Variants in RALGAPA2 observed in about 807,000 individuals in gnomAD.
The protein encoded by RALGAPA2 is ral GTPase-activating protein subunit alpha-2.
Under a neutral mutation model 230.4 loss-of-function variants are expected in RALGAPA2, and 139 were observed. The ratio of observed to expected loss-of-function variants is 0.60; its 90% CI spans 0.53 to 0.69. The LOEUF (loss-of-function observed/expected upper bound fraction) is 0.69. RALGAPA2 is among the 30% of genes least tolerant of loss of function. The pLI, the probability that RALGAPA2 is intolerant of heterozygous loss-of-function variation, is 0.00. For synonymous variants in RALGAPA2, 847 were observed against 837.8 expected, an observed-to-expected ratio of 1.01 and a Z score of -0.19; for missense variants, 2,163 against 2,276.0, an observed-to-expected ratio of 0.95 and a Z score of 1.01.
intron 33 of RALGAPA2, among the ~76,000 whole-genome samples, chr20:20,509,177 T>C (rs1394982402): frequency 6.6e-6 from 1 of 152,120 alleles, no homozygotes; most frequent in Admixed American, 6.6e-5. Context: ...TTACAGAATT[T>C]CCATAGAGAA....
At chr20:20,465,164 C>T (rs2061390546) in intron 37 of RALGAPA2, among the ~76,000 whole-genome samples, 1 of 147,814 alleles carries the variant, frequency 6.8e-6, no homozygotes, top group Admixed American at 6.7e-5. Context: ...CACACACACA[C>T]ACACACACAC....
intron 38 of RALGAPA2, among the ~76,000 whole-genome samples, chr20:20,403,782 T>C (rs1228674565): frequency 2.0e-5 from 3 of 152,218 alleles, no homozygotes; most frequent in Admixed American, 6.5e-5. Flanking sequence ...CTGCAGAGTC[T>C]ACCCATACAC....
intron 35 of RALGAPA2, among the ~76,000 whole-genome samples, chr20:20,498,789 G>A (rs2062288765): frequency 6.6e-6 from 1 of 152,114 alleles, no homozygotes; most frequent in Admixed American, 6.5e-5. Context: ...TTTTTATGTG[G>A]CTGGCCAGCC....
intron 16 of RALGAPA2, among the ~76,000 whole-genome samples, chr20:20,595,107 G>A (rs936388464): frequency 1.3e-5 from 2 of 152,022 alleles, no homozygotes; most frequent in Non-Finnish European, 2.9e-5. Context: ...ACTGAGAAAA[G>A]GCAGTGTGAT....
intron 15 of RALGAPA2, 106 bp from the exon 16 acceptor site, chr20:20,601,952 G>T: frequency 9.6e-7 from 1 of 1,038,668 alleles, no homozygotes; most frequent in Non-Finnish European, 1.3e-6. Context: ...ATAATCAGCA[G>T]GTTTCCTTGT....
At chr20:20,401,339 A>AG (rs779753947) in intron 38 of RALGAPA2, among the ~76,000 whole-genome samples, 3 of 152,164 alleles carry the variant, frequency 2.0e-5, no homozygotes, top group Non-Finnish European at 2.9e-5. Flanking sequence ...CAGGGGAATG[A>AG]GGGCAGCTGT....
chr20:20,639,686 AAG>A, intron 7 of RALGAPA2, 97 bp downstream of exon 7: 1 of 871,286 alleles, frequency 1.1e-6, no homozygotes, highest in South Asian at 1.6e-5. Flanking sequence ...AAGAAAAAGA[AAG>A]AGGAAAAATA....
chr20:20,582,719 T>A (rs370212153), intron 20 of RALGAPA2, among the ~76,000 whole-genome samples: 3 of 152,224 alleles, frequency 2.0e-5, no homozygotes, highest in African/African-American at 7.2e-5. Context: ...GTAACTTACA[T>A]ACTGTATATG....
chr20:20,578,122 G>T (rs1602906898), intron 20 of RALGAPA2, among the ~76,000 whole-genome samples: 2 of 152,244 alleles, frequency 1.3e-5, no homozygotes, highest in East Asian at 1.9e-4. Flanking sequence ...AAGGTACGCT[G>T]ACTTCTTTAG....
intron 9 of RALGAPA2, among the ~76,000 whole-genome samples, chr20:20,632,437 G>A (rs2066707260): frequency 6.6e-6 from 1 of 152,126 alleles, no homozygotes; most frequent in South Asian, 2.1e-4. Context: ...ATCAGAAGCT[G>A]GAAGCAGTGG....
At position 20,656,527 on chromosome 20, in the gene RALGAPA2, G is replaced by GA. The variant is rs943173886; in HGVS notation, c.271-2941dup. ...CAGAAGTAAACTGGCTGTTTCAAGG[G>GA]AAAAAAAATCAAAATAAGTCTTCCC... is the stretch of plus-strand genomic sequence containing the variant. On this transcript the variant is annotated intron_variant, in intron 3 of 39. Transcript: ENST00000202677. Among the ~76,000 whole-genome samples the GA allele has an allele frequency of 9.9e-5, 15 of 151,592 alleles. No homozygotes were observed. The East Asian group carries it at 2.5e-3, about 25-fold the overall frequency.
intron 37 of RALGAPA2, among the ~76,000 whole-genome samples, chr20:20,428,654 T>G (rs2060437726): frequency 6.6e-6 from 1 of 152,060 alleles, no homozygotes; most frequent in South Asian, 2.1e-4. Flanking sequence ...CCCATCCACA[T>G]CAGAGAGCCC....
chr20:20,449,320 T>C (rs572881806), intron 37 of RALGAPA2, among the ~76,000 whole-genome samples: 2 of 152,258 alleles, frequency 1.3e-5, no homozygotes, highest in East Asian at 1.9e-4. Context: ...ATCCCCAGGG[T>C]TGAGGAAAGC....
Position 20,601,734 on chromosome 20 carries a change from A to G in RALGAPA2, c.2151T>C (p.Ser717=). The G allele has an allele frequency of 6.2e-7, 1 of 1,613,846 alleles. No individual in the cohort carries two copies. The highest frequency in any genetic ancestry group is 8.5e-7 in the Non-Finnish European group (1 of 1,179,770). ...TTGCCTTTTCCACTCCCGGTGCTCC[A>G]GACGTGGTGGCACTCCTAAATCGCA... ...EPMRFRSATT[S]GAPGVEKARN... Residue 717 remains serine (S), a synonymous_variant, in exon 16 of 40, where the codon TCT becomes TCC. Transcript: ENST00000202677.
chr20:20,596,677 T>C (rs1366561459), intron 16 of RALGAPA2, among the ~76,000 whole-genome samples: 1 of 152,236 alleles, frequency 6.6e-6, no homozygotes, highest in African/African-American at 2.4e-5. Flanking sequence ...CACTATACTC[T>C]AAAGTTCTTT....
At chr20:20,484,240 G>T (rs1055526241) in intron 36 of RALGAPA2, among the ~76,000 whole-genome samples, 1 of 152,190 alleles carries the variant, frequency 6.6e-6, no homozygotes, top group African/African-American at 2.4e-5. Flanking sequence ...GAAACACCAA[G>T]GAGTCCATGC....
chr20:20,636,276 A>T (rs961245766), intron 8 of RALGAPA2, among the ~76,000 whole-genome samples: 1 of 152,236 alleles, frequency 6.6e-6, no homozygotes, highest in Admixed American at 6.5e-5. Context: ...ACTACTTGCC[A>T]TAAGTTCAAC....
At chr20:20,449,736 T>C (rs1402294816) in intron 37 of RALGAPA2, among the ~76,000 whole-genome samples, 1 of 152,236 alleles carries the variant, frequency 6.6e-6, no homozygotes, top group Non-Finnish European at 1.5e-5. Context: ...TGGGGTAGAA[T>C]AGAAATCATT....
intron 15 of RALGAPA2, 136 bp downstream of exon 15, chr20:20,605,039 A>T: frequency 1.5e-6 from 1 of 686,394 alleles, no homozygotes; most frequent in Non-Finnish European, 2.5e-6. Context: ...GACACAAATT[A>T]ATGCCACTAT....
Sources: allele counts gnomAD v4.1 joint callset (sites outside exome capture counted in the v4.1 genomes callset), GRCh38; gene constraint gnomAD v4.1.1; transcripts MANE v1.5; gene names NCBI Gene and HGNC (gene_info 2026-07-23, HGNC 2026-07-21).